RPS6KC1: variants seen among roughly 807,000 people sequenced by gnomAD.
RPS6KC1 encodes the protein inactive ribosomal protein S6 kinase delta-1.
A neutral mutation model predicts 103.8 loss-of-function variants in RPS6KC1; 54 were observed. The observed-to-expected ratio is 0.52, with a 90% CI of 0.42 to 0.65. RPS6KC1 has a LOEUF of 0.65. RPS6KC1 is among the 30% of genes least tolerant of loss of function. The pLI is 0.00. For synonymous variants in RPS6KC1, 439 were observed against 438.7 expected (o/e 1.00, Z -0.01); for missense variants, 1,151 against 1,253.8 (o/e 0.92, Z 1.24).
the RPS6KC1 span, among the ~76,000 whole-genome samples, chr1:213,495,954 C>G: frequency 6.6e-6 from 1 of 151,950 alleles, no homozygotes; most frequent in Non-Finnish European, 1.5e-5. Context: ...TTATTACCCT[C>G]TTAGAATTAT....
chr1:213,660,403 G>C, the RPS6KC1 span, among the ~76,000 whole-genome samples: 2 of 152,214 alleles, frequency 1.3e-5, no homozygotes, highest in Non-Finnish European at 2.9e-5. Context: ...CTGGAATGTA[G>C]AAGGAAAGGC....
the RPS6KC1 span, among the ~76,000 whole-genome samples, chr1:213,554,103 C>T: frequency 1.0e-3 from 153 of 152,164 alleles, no homozygotes; most frequent in African/African-American, 3.5e-3. Flanking sequence ...TTTATCAGGG[C>T]GGATGTCCAG....
At chr1:213,149,863 C>A (rs1323900191) in intron 6 of RPS6KC1, among the ~76,000 whole-genome samples, 1 of 152,160 alleles carries the variant, frequency 6.6e-6, no homozygotes, top group East Asian at 1.9e-4. Context: ...TTGTTATATC[C>A]TCTCACTGAA....
At chr1:213,054,002 A>G (rs1399571414) in intron 1 of RPS6KC1, among the ~76,000 whole-genome samples, 1 of 151,978 alleles carries the variant, frequency 6.6e-6, no homozygotes, top group African/African-American at 2.4e-5. Context: ...TACCCGGCTA[A>G]TTTGTCTATT....
chr1:213,108,059 C>A (rs2082664178), intron 4 of RPS6KC1, among the ~76,000 whole-genome samples: 1 of 151,910 alleles, frequency 6.6e-6, no homozygotes. Context: ...CAGTCTGTAG[C>A]CTTTTAGTTT....
the RPS6KC1 span, among the ~76,000 whole-genome samples, chr1:213,581,435 G>A: frequency 6.6e-6 from 1 of 152,222 alleles, no homozygotes; most frequent in South Asian, 2.1e-4. Flanking sequence ...AATGAGACAT[G>A]ATGTTTCAGG....
intron 10 of RPS6KC1, among the ~76,000 whole-genome samples, chr1:213,240,064 G>T (rs1330193024): frequency 6.6e-6 from 1 of 152,120 alleles, no homozygotes; most frequent in Non-Finnish European, 1.5e-5. Flanking sequence ...AATTTCCGTA[G>T]CTTGCTTTAT....
intron 8 of RPS6KC1, among the ~76,000 whole-genome samples, chr1:213,217,525 G>C (rs561678197): frequency 2.0e-5 from 3 of 152,160 alleles, no homozygotes; most frequent in Non-Finnish European, 4.4e-5. Context: ...CATTTTATGA[G>C]GCCAGCGTCA....
At chr1:213,701,540 C>A in the RPS6KC1 span, among the ~76,000 whole-genome samples, 1 of 151,922 alleles carries the variant, frequency 6.6e-6, no homozygotes, top group South Asian at 2.1e-4. Flanking sequence ...GCCAACAGAT[C>A]CTGGGCTTTT....
chr1:213,318,631 G>C, the RPS6KC1 span, among the ~76,000 whole-genome samples: 1 of 152,228 alleles, frequency 6.6e-6, no homozygotes, highest in Admixed American at 6.5e-5. Context: ...CTTATGGCTG[G>C]AGAGCAAGTG....
chr1:213,211,387 G>C (rs900152084), intron 8 of RPS6KC1, among the ~76,000 whole-genome samples: 32 of 152,224 alleles, frequency 2.1e-4, no homozygotes, highest in African/African-American at 7.2e-4. Flanking sequence ...TGACAAAGGT[G>C]TGGAGAGATC....
the RPS6KC1 span, among the ~76,000 whole-genome samples, chr1:213,827,940 A>G: frequency 6.6e-6 from 1 of 152,070 alleles, no homozygotes; most frequent in African/African-American, 2.4e-5. Context: ...GCCATCCACA[A>G]AATGATGAAG....
chr1:213,409,199 C>G, the RPS6KC1 span, among the ~76,000 whole-genome samples: 13 of 152,026 alleles, frequency 8.6e-5, no homozygotes, highest in Non-Finnish European at 1.9e-4. Flanking sequence ...TGCAACCAAC[C>G]AAGTGCAAAG....
intron 12 of RPS6KC1, among the ~76,000 whole-genome samples, chr1:213,243,208 C>T (rs572915789): frequency 3.3e-5 from 5 of 152,088 alleles, no homozygotes; most frequent in Non-Finnish European, 7.4e-5. Flanking sequence ...TTTCTGTTGC[C>T]CAGGCTGGTC....
the RPS6KC1 span, among the ~76,000 whole-genome samples, chr1:213,411,038 G>C: frequency 4.6e-5 from 7 of 152,250 alleles, no homozygotes; most frequent in Admixed American, 1.3e-4. Context: ...GCAGGACCAG[G>C]ATGGAGAGGA....
intron 8 of RPS6KC1, chr1:213,176,698 A>G (rs1281691101): frequency 2.7e-6 from 1 of 365,494 alleles, no homozygotes; most frequent in Admixed American, 3.7e-5. Context: ...TTTGAGCTAA[A>G]GGAGAAGGCG....
chr1:213,450,385 C>T, the RPS6KC1 span, among the ~76,000 whole-genome samples: 9 of 151,218 alleles, frequency 6.0e-5, no homozygotes, highest in African/African-American at 1.5e-4. Context: ...CTAATTTACC[C>T]GCAAATTAGC....
chr1:213,341,723 C>T, the RPS6KC1 span, among the ~76,000 whole-genome samples: 5 of 152,188 alleles, frequency 3.3e-5, no homozygotes, highest in Non-Finnish European at 7.3e-5. Flanking sequence ...CTATTATTGT[C>T]TTTGTCTCAT....
the RPS6KC1 span, among the ~76,000 whole-genome samples, chr1:213,630,715 C>T: frequency 6.6e-6 from 1 of 152,138 alleles, no homozygotes; most frequent in African/African-American, 2.4e-5. Context: ...GTTTTATCTA[C>T]CTTTGGCTTT....
Sources: allele counts gnomAD v4.1 joint callset (sites outside exome capture counted in the v4.1 genomes callset), GRCh38; gene constraint gnomAD v4.1.1; transcripts MANE v1.5; gene names NCBI Gene and HGNC (gene_info 2026-07-23, HGNC 2026-07-21).